BCAS3: variants seen among roughly 807,000 people sequenced by gnomAD.
BCAS3 encodes BCAS3 microtubule associated cell migration factor.
Under a neutral mutation model 116.1 loss-of-function variants are expected in BCAS3, and 53 were observed. That is an observed-to-expected ratio of 0.46 (90% CI 0.37 to 0.57). BCAS3 has a LOEUF of 0.57. BCAS3 is among the 20% of genes least tolerant of loss of function. The pLI, the probability that BCAS3 is intolerant of heterozygous loss-of-function variation, is 0.00. For synonymous variants in BCAS3, 391 were observed against 408.2 expected (o/e 0.96, Z 0.51); for missense variants, 917 against 1,165.4 (o/e 0.79, Z 3.10).
Position 61,128,180 on chromosome 17 carries a change from A to C in BCAS3, c.2425+43616A>C. Reference sequence around the variant, plus strand: ...AACTCAATCTGGTTTTCTTTTAGGAAGCCTTCCACCAGGAATAGTGTGAGT... The same window carrying C: ...AACTCAATCTGGTTTTCTTTTAGGACGCCTTCCACCAGGAATAGTGTGAGT... On this transcript the variant is annotated intron_variant, in intron 22 of 23. Coordinates refer to ENST00000407086, the MANE Select transcript of BCAS3 (RefSeq NM_017679.5). The surrounding 1 kb of genome is among the most constrained non-coding windows in gnomAD (Gnocchi z 4.1). 1.0e-6 allele frequency: 1 copy of C among 985,438 alleles called. No individual in the cohort carries two copies. Among genetic ancestry groups the C allele is most frequent in the African/African-American group, 1.7e-5 (1 of 57,368 alleles). 61.0% of individuals were successfully genotyped at this position (985,438 alleles called of 1,614,324 possible). A position where few individuals can be genotyped will look rare whatever the true frequency, so the allele number is the denominator to read the frequency against.
At chr17:60,700,187 AAGC>A (rs1047667912) in intron 4 of BCAS3, among the ~76,000 whole-genome samples, 4 of 151,486 alleles carry the variant, frequency 2.6e-5, no homozygotes, top group Admixed American at 6.6e-5. Context: ...AAAAAAAAAG[AAGC>A]AGTTCAACTC....
At chr17:61,318,896 C>T (rs947426394) in intron 22 of BCAS3, among the ~76,000 whole-genome samples, 2 of 152,222 alleles carry the variant, frequency 1.3e-5, no homozygotes, top group African/African-American at 4.8e-5. Context: ...CTGACCACCT[C>T]AGCAATTGCT....
At chr17:61,190,760 C>A (rs917786863) in intron 22 of BCAS3, among the ~76,000 whole-genome samples, 1 of 151,974 alleles carries the variant, frequency 6.6e-6, no homozygotes, top group Admixed American at 6.6e-5. Context: ...TGTGCCACCA[C>A]ACCTGGCTAA....
chr17:60,822,245 G>C (rs1436978827), intron 7 of BCAS3, among the ~76,000 whole-genome samples: 1 of 152,190 alleles, frequency 6.6e-6, no homozygotes, highest in East Asian at 1.9e-4. Flanking sequence ...AGAAACACTT[G>C]ACATTGTCAG....
intron 14 of BCAS3, among the ~76,000 whole-genome samples, chr17:60,949,063 G>C (rs1049731853): frequency 1.1e-4 from 16 of 151,730 alleles, no homozygotes; most frequent in African/African-American, 3.6e-4. Flanking sequence ...GTTTAGCAGA[G>C]AAAGGGTTTC....
intron 23 of BCAS3, among the ~76,000 whole-genome samples, chr17:61,369,172 C>G (rs758239384): frequency 2.6e-5 from 4 of 152,240 alleles, no homozygotes; most frequent in Non-Finnish European, 4.4e-5. Flanking sequence ...CAGCCTGCCT[C>G]TTCTTTCCAA....
In BCAS3 at chr17:61,217,940, C is replaced by G. The variant is rs2081896641; in HGVS notation, c.2425+133376C>G. ...TCATGCTTTTGAATGAGTTCTGTTA[C>G]AACAGATCACTGATAATTTAGTGGA... On this transcript the variant is annotated intron_variant, in intron 22 of 23. Coordinates refer to ENST00000407086, the MANE Select transcript of BCAS3 (RefSeq NM_017679.5). This position sits in a 1 kb window ranked among gnomAD's most constrained non-coding sequence, Gnocchi z 5.2. Among the ~76,000 whole-genome samples the G allele has an allele frequency of 6.6e-6, 1 of 152,164 alleles. No homozygotes were observed. The highest frequency in any genetic ancestry group is 1.5e-5 in the Non-Finnish European group (1 of 68,030).
rs200098763 is a variant in BCAS3, at chr17:60,799,520, G to GTTTTTTTTTTTTTTTTT, written c.404-8481_404-8480insTTTTTTTTTTTTTTTTT. ...AATATGTAAGTTTTTTGAGATTAGT[G>GTTTTTTTTTTTTTTTTT]TTTGTTTTTTTTTTTTTTTTTTTTT... On this transcript the variant is annotated intron_variant, in intron 6 of 23. Transcript: ENST00000407086. 2.8e-4 allele frequency among the ~76,000 whole-genome samples: 33 copies of GTTTTTTTTTTTTTTTTT among 117,644 alleles called. 9 individuals are homozygous for GTTTTTTTTTTTTTTTTT. Among genetic ancestry groups the GTTTTTTTTTTTTTTTTT allele is most frequent in the African/African-American group, 1.2e-3 (32 of 27,176 alleles). The allele number at this position is 117,644 out of a possible 152,430, so 77.2% of individuals were successfully genotyped here.
intron 22 of BCAS3, among the ~76,000 whole-genome samples, chr17:61,191,780 A>AAAGAG (rs2080140133): frequency 6.9e-6 from 1 of 145,638 alleles, no homozygotes; most frequent in African/African-American, 2.6e-5. Context: ...GTCTCAAAAA[A>AAAGAG]AAAAGAAAAG....
rs775714891 is a variant in BCAS3 at position 61,156,978 on chromosome 17, T to C, written c.2425+72414T>C. On this transcript the variant is annotated intron_variant, in intron 22 of 23. Transcript: ENST00000407086. This position sits in a 1 kb window ranked among gnomAD's most constrained non-coding sequence, Gnocchi z 4.7. ...AGGCATCACTCTCCTATAAATTTAG[T>C]ATTAAATTTCAAAATACGTATTTGT... is the stretch of plus-strand genomic sequence containing the variant. Among the ~76,000 whole-genome samples, 4 of 152,250 alleles carry C rather than the reference T, an allele frequency of 2.6e-5. No homozygotes were observed. Among genetic ancestry groups the C allele is most frequent in the Non-Finnish European group, 5.9e-5 (4 of 68,028 alleles).
At chr17:61,308,776 T>C (rs1392444893) in intron 22 of BCAS3, among the ~76,000 whole-genome samples, 1 of 152,212 alleles carries the variant, frequency 6.6e-6, no homozygotes, top group Non-Finnish European at 1.5e-5. Flanking sequence ...GTCTGTTTTC[T>C]ATCAGTGATT....
chr17:61,322,862 G>GAGAGAGAGAC (rs2055412880), intron 22 of BCAS3, among the ~76,000 whole-genome samples: 2 of 147,412 alleles, frequency 1.4e-5, no homozygotes, highest in African/African-American at 5.2e-5. Context: ...GAGACAGAGA[G>GAGAGAGAGAC]AGAGAGAGAG....
chr17:60,784,276 C>T (rs1407624178), intron 6 of BCAS3, among the ~76,000 whole-genome samples: 1 of 138,590 alleles, frequency 7.2e-6, no homozygotes, highest in Non-Finnish European at 1.6e-5. Flanking sequence ...GGCGTGTGTT[C>T]TTTCTAAAAA....
At chr17:61,119,459 G>A (rs2075669075) in intron 22 of BCAS3, among the ~76,000 whole-genome samples, 1 of 152,128 alleles carries the variant, frequency 6.6e-6, no homozygotes. Flanking sequence ...TGCTGAAAGG[G>A]CATTTGATAA....
Position 60,893,600 on chromosome 17 carries a change from C to CTTTT in BCAS3, c.738+3850_738+3853dup, listed in dbSNP as rs930873750. On this transcript the variant is annotated intron_variant, in intron 10 of 23. Transcript: ENST00000407086. ...CTGTTCAGTTATCTTGACCTATGAT[C>CTTTT]TTTTTTTTTTTTTTTTTTTTTTTTG... 1.4e-3 allele frequency among the ~76,000 whole-genome samples: 111 copies of CTTTT among 82,042 alleles called. 1 individual carries two copies. Among genetic ancestry groups the CTTTT allele is most frequent in the African/African-American group, 2.2e-3 (41 of 18,648 alleles). 53.8% of individuals were successfully genotyped at this position (82,042 alleles called of 152,430 possible). A position where few individuals can be genotyped will look rare whatever the true frequency, so the allele number is the denominator to read the frequency against.
chr17:60,827,341 T>C (rs2050520700), intron 7 of BCAS3, among the ~76,000 whole-genome samples: 1 of 152,228 alleles, frequency 6.6e-6, no homozygotes, highest in Admixed American at 6.5e-5. Flanking sequence ...TCTTTTCATT[T>C]ATATTTATAT....
intron 5 of BCAS3, among the ~76,000 whole-genome samples, chr17:60,734,189 A>G (rs887870250): frequency 6.6e-6 from 1 of 152,134 alleles, no homozygotes; most frequent in Admixed American, 6.5e-5. Flanking sequence ...ATTACCCAGT[A>G]ATGCGATCCT....
chr17:61,262,117 C>CCAGAAGAATGAACA (rs1358126951), intron 22 of BCAS3, among the ~76,000 whole-genome samples: 1 of 151,942 alleles, frequency 6.6e-6, no homozygotes, highest in Admixed American at 6.6e-5. Context: ...CAAAGACAAT[C>CCAGAAGAATGAACA]CAGAAGAATG....
intron 22 of BCAS3, among the ~76,000 whole-genome samples, chr17:61,206,347 G>T (rs889907079): frequency 2.0e-4 from 31 of 152,276 alleles, no homozygotes; most frequent in African/African-American, 7.5e-4. Flanking sequence ...ATGTCTAGAT[G>T]CTTGTTTAGT....
Sources: allele counts gnomAD v4.1 joint callset (sites outside exome capture counted in the v4.1 genomes callset), GRCh38; gene constraint gnomAD v4.1.1; non-coding constraint Gnocchi (gnomAD v3.1); transcripts MANE v1.5; gene names NCBI Gene and HGNC (gene_info 2026-07-23, HGNC 2026-07-21).